The following UNC79 variants were observed in gnomAD, a reference collection of about 807,000 sequenced individuals.
The protein encoded by UNC79 is unc-79 subunit of NALCN channel complex, also known as protein unc-79 homolog.
UNC79 carries 37 observed loss-of-function variants against 283.1 expected under a neutral mutation model. That is an observed-to-expected ratio of 0.13 (90% CI 0.10 to 0.17). UNC79 has a LOEUF of 0.17. Ranked by LOEUF, UNC79 falls within the 10% of genes least tolerant of loss-of-function variation. The pLI is 1.00. For synonymous variants in UNC79, 1,107 were observed against 1,200.2 expected (o/e 0.92, Z 1.61); for missense variants, 2,272 against 3,211.1 (o/e 0.71, Z 7.07).
chr14:93,337,506 T>G (rs1184401103), intron 1 of UNC79, among the ~76,000 whole-genome samples: 1 of 152,200 alleles, frequency 6.6e-6, no homozygotes, highest in Non-Finnish European at 1.5e-5. Flanking sequence ...GGCCCAGACC[T>G]GGGGATTCCC....
At chr14:93,655,210 T>A (rs749829628) in intron 37 of UNC79, 24 bp from the exon 41 acceptor site, 1 of 1,610,748 alleles carries the variant, frequency 6.2e-7, no homozygotes, top group East Asian at 2.2e-5. Context: ...CAGCAGTTGA[T>A]GGCCTATGCT....
intron 3 of UNC79, among the ~76,000 whole-genome samples, chr14:93,476,626 C>CA (rs2057814751): frequency 6.6e-6 from 1 of 152,184 alleles, no homozygotes; most frequent in African/African-American, 2.4e-5. Context: ...TGCTGCAAAA[C>CA]AAAGAAGAGT....
rs368633695 is a variant in UNC79 at position 93,414,492 on chromosome 14, A to G, written c.-350-53179A>G. Among the ~76,000 whole-genome samples, 190 of 152,228 alleles carry G rather than the reference A, an allele frequency of 1.2e-3. 1 individual carries two copies. The highest frequency in any genetic ancestry group is 6.2e-3 in the South Asian group (30 of 4,820). On this transcript the variant is annotated intron_variant, in intron 1 of 49. Coordinates refer to the UNC79 transcript ENST00000256339. ...TCCAGCTTTGTTCTTTTGGCTTAGGATTGACTTGGCAATGCGGGCTCTTTT... is the reference window on the plus strand; with the variant it reads ...TCCAGCTTTGTTCTTTTGGCTTAGGGTTGACTTGGCAATGCGGGCTCTTTT...
At chr14:93,601,560 A>C (rs1332144076) in intron 25 of UNC79, among the ~76,000 whole-genome samples, 1 of 152,202 alleles carries the variant, frequency 6.6e-6, no homozygotes, top group Non-Finnish European at 1.5e-5. Context: ...TGCTGCTATA[A>C]ACATGCATGT....
chr14:93,567,151 G>C (rs11849488), intron 14 of UNC79, among the ~76,000 whole-genome samples: 9,761 of 152,220 alleles, frequency 0.064, 341 homozygotes, highest in Middle Eastern at 0.11. Flanking sequence ...GTAGCCAACT[G>C]TTGGAACCAT....
At chr14:93,514,841 G>A (rs1286300938) in intron 7 of UNC79, among the ~76,000 whole-genome samples, 1 of 152,130 alleles carries the variant, frequency 6.6e-6, no homozygotes, top group Non-Finnish European at 1.5e-5. Context: ...GCAGCCCTGT[G>A]CTGTATCTAT....
At chr14:93,697,017 A>T (rs1291164546) in intron 47 of UNC79, among the ~76,000 whole-genome samples, 1 of 152,186 alleles carries the variant, frequency 6.6e-6, no homozygotes, top group Admixed American at 6.5e-5. Context: ...CATCATTGTT[A>T]AAAATACTAT....
chr14:93,530,377 C>G (rs1277971487), intron 10 of UNC79, among the ~76,000 whole-genome samples: 1 of 151,914 alleles, frequency 6.6e-6, no homozygotes, highest in African/African-American at 2.4e-5. Context: ...TTGAGACCAA[C>G]CTGGGCAACG....
intron 1 of UNC79, among the ~76,000 whole-genome samples, chr14:93,452,520 C>G (rs1000106999): frequency 6.6e-6 from 1 of 151,826 alleles, no homozygotes; most frequent in Non-Finnish European, 1.5e-5. Context: ...TCCAGAGTAA[C>G]TGGGATTACA....
intron 48 of UNC79, among the ~76,000 whole-genome samples, chr14:93,704,995 G>A (rs2075775424): frequency 6.6e-6 from 1 of 152,170 alleles, no homozygotes; most frequent in Non-Finnish European, 1.5e-5. Context: ...AGCACTTTGA[G>A]AGGCCATTGT....
Position 93,584,431 on chromosome 14 carries a change from G to A in UNC79, c.2803+2087G>A, listed in dbSNP as rs78501670. On this transcript the variant is annotated intron_variant, in intron 20 of 48. Transcript: ENST00000555664. ...AAACAACTAATTAGTGGCAGGGTTG[G>A]GACTAGAACCCAGGTCTTCTACTTT... is the stretch of plus-strand genomic sequence containing the variant. 8.5e-4 allele frequency among the ~76,000 whole-genome samples: 129 copies of A among 152,288 alleles called. 3 individuals carry two copies. In the East Asian group the frequency reaches 0.017, roughly 20 times the overall value.
chr14:93,507,416 G>A (rs144280881), intron 7 of UNC79, among the ~76,000 whole-genome samples: 169 of 152,232 alleles, frequency 1.1e-3, no homozygotes, highest in African/African-American at 3.8e-3. Context: ...TTTAATTTTA[G>A]CCATTCTGGT....
At chr14:93,396,235 T>G (rs1396423348) in intron 1 of UNC79, among the ~76,000 whole-genome samples, 1 of 148,142 alleles carries the variant, frequency 6.8e-6, no homozygotes, top group African/African-American at 2.5e-5. Context: ...TTTCTCTTTG[T>G]TTTTTTTTTT....
chr14:93,546,530 TG>T (rs1393761846), intron 14 of UNC79, among the ~76,000 whole-genome samples: 1 of 152,242 alleles, frequency 6.6e-6, no homozygotes, highest in Non-Finnish European at 1.5e-5. Flanking sequence ...TTCTGAATTC[TG>T]GAGGAATCAA....
chr14:93,447,423 C>T (rs369357291), intron 1 of UNC79, among the ~76,000 whole-genome samples: 1 of 152,152 alleles, frequency 6.6e-6, no homozygotes, highest in South Asian at 2.1e-4. Flanking sequence ...TTATTTTATA[C>T]TTATTTTATG....
At chr14:93,516,452 G>GT (rs1213899803) in intron 7 of UNC79, among the ~76,000 whole-genome samples, 1 of 37,928 alleles carries the variant, frequency 2.6e-5, no homozygotes. Context: ...ATTTTTTTTG[G>GT]GGGGGGGGGT....
intron 1 of UNC79, among the ~76,000 whole-genome samples, chr14:93,352,200 G>A (rs950117328): frequency 1.3e-5 from 2 of 152,192 alleles, no homozygotes; most frequent in African/African-American, 2.4e-5. Flanking sequence ...GGCCCTTTAC[G>A]TGAACTCCCA....
At chr14:93,528,757 G>A in intron 9 of UNC79, 111 bp downstream of exon 9, 1 of 990,634 alleles carries the variant, frequency 1.0e-6, no homozygotes, top group Non-Finnish European at 1.5e-6. Context: ...TAGCCTCTCT[G>A]ATTTTTAAAG....
At chr14:93,572,080 T>G in exon 15 of UNC79, 1 of 1,613,464 alleles carries the variant, frequency 6.2e-7, no homozygotes, top group Non-Finnish European at 8.5e-7. Flanking sequence ...CAGGGAAGTA[T>G]TAAGGTGGGT....
Sources: allele counts gnomAD v4.1 joint callset (sites outside exome capture counted in the v4.1 genomes callset), GRCh38; gene constraint gnomAD v4.1.1; transcripts MANE v1.5; gene names NCBI Gene and HGNC (gene_info 2026-07-23, HGNC 2026-07-21).